Variants in SH3RF3 observed in about 807,000 individuals in gnomAD.
SH3RF3 encodes SH3 domain containing ring finger 3.
A neutral mutation model predicts 66.3 loss-of-function variants in SH3RF3; 29 were observed. The observed-to-expected ratio is 0.44, with a 90% confidence interval of 0.33 to 0.60. The LOEUF (loss-of-function observed/expected upper bound fraction) is 0.60, where lower values mean the gene tolerates loss of function less well. SH3RF3 is among the 20% of genes least tolerant of loss of function. SH3RF3 has a pLI of 0.04. For synonymous variants in SH3RF3, 583 were observed against 532.0 expected (o/e 1.10, Z -1.32); for missense variants, 1,194 against 1,190.9 (o/e 1.00, Z -0.04).
chr2:109,249,069 C>A (rs373118195), intron 1 of SH3RF3, among the ~76,000 whole-genome samples: 1 of 151,980 alleles, frequency 6.6e-6, no homozygotes, highest in East Asian at 1.9e-4. Flanking sequence ...TGTGTAGAGA[C>A]CACAGCTCAC....
At position 109,411,470 on chromosome 2, in the gene SH3RF3, C is replaced by T. The variant is rs569043709; in HGVS notation, c.1300-8069C>T. Among the ~76,000 whole-genome samples the T allele has an allele frequency of 9.5e-4, 145 of 152,302 alleles. 1 individual carries two copies. Among genetic ancestry groups the T allele is most frequent in the African/African-American group, 3.4e-3 (142 of 41,550 alleles). On this transcript the variant is annotated intron_variant, in intron 4 of 9. Transcript: ENST00000309415. ...GCTGCTGAGCCTGTCAGTGGGAGGA[C>T]CCCTGACCCCCTCCCACCTTGGCCA...
At chr2:109,446,400 C>T (rs1407854118) in intron 7 of SH3RF3, among the ~76,000 whole-genome samples, 2 of 152,330 alleles carry the variant, frequency 1.3e-5, no homozygotes, top group Non-Finnish European at 2.9e-5. Flanking sequence ...CTCCGTTGCA[C>T]AGTGGGGACA....
At chr2:109,380,007 A>G (rs1683477698) in intron 3 of SH3RF3, among the ~76,000 whole-genome samples, 1 of 152,176 alleles carries the variant, frequency 6.6e-6, no homozygotes, top group Non-Finnish European at 1.5e-5. Flanking sequence ...GATTAACGAC[A>G]TAAAGAAATA....
chr2:109,491,157 C>G (rs1235366320), intron 9 of SH3RF3, among the ~76,000 whole-genome samples: 1 of 152,158 alleles, frequency 6.6e-6, no homozygotes, highest in African/African-American at 2.4e-5. Context: ...CCATCTGATT[C>G]CTGAGTTTGG....
chr2:109,435,407 T>G (rs1206756512), intron 6 of SH3RF3, among the ~76,000 whole-genome samples: 1 of 152,180 alleles, frequency 6.6e-6, no homozygotes, highest in South Asian at 2.1e-4. Flanking sequence ...GATTGGAGGG[T>G]AGGCGAAGGC....
intron 1 of SH3RF3, among the ~76,000 whole-genome samples, chr2:109,324,806 T>C (rs1559024196): frequency 6.6e-6 from 1 of 152,320 alleles, no homozygotes; most frequent in East Asian, 1.9e-4. Flanking sequence ...TGAATCTGCC[T>C]GTAACTCCAA....
intron 1 of SH3RF3, among the ~76,000 whole-genome samples, chr2:109,316,650 C>T (rs984597986): frequency 6.6e-6 from 1 of 152,224 alleles, no homozygotes. Context: ...GCCTTTCCAT[C>T]AGCATCAGCC....
At chr2:109,478,489 T>G (rs776275973) in intron 8 of SH3RF3, among the ~76,000 whole-genome samples, 2 of 152,276 alleles carry the variant, frequency 1.3e-5, no homozygotes, top group Non-Finnish European at 2.9e-5. Flanking sequence ...TCTAGATGTC[T>G]TCATGCTTTC....
At chr2:109,337,497 G>A (rs532333634) in intron 1 of SH3RF3, among the ~76,000 whole-genome samples, 28 of 152,350 alleles carry the variant, frequency 1.8e-4, no homozygotes, top group Non-Finnish European at 4.0e-4. Flanking sequence ...GCAGGCAAGG[G>A]CGGGAGTCCT....
At chr2:109,153,140 A>C (rs1258414128) in intron 1 of SH3RF3, among the ~76,000 whole-genome samples, 1 of 152,206 alleles carries the variant, frequency 6.6e-6, no homozygotes, top group African/African-American at 2.4e-5. Context: ...CAGTGGGGCA[A>C]ATATTTCAAT....
At chr2:109,401,380 C>T (rs1167179348) in intron 4 of SH3RF3, among the ~76,000 whole-genome samples, 1 of 152,208 alleles carries the variant, frequency 6.6e-6, no homozygotes, top group Non-Finnish European at 1.5e-5. Context: ...TTGGGTAGGT[C>T]GTTTGTCTCC....
At chr2:109,202,764 T>C (rs1227980369) in intron 1 of SH3RF3, among the ~76,000 whole-genome samples, 2 of 152,246 alleles carry the variant, frequency 1.3e-5, no homozygotes, top group Middle Eastern at 3.4e-3. Context: ...CTTCCCATAC[T>C]ATGGAGCTCT....
At chr2:109,136,640 C>G (rs1273407892) in intron 1 of SH3RF3, among the ~76,000 whole-genome samples, 3 of 152,144 alleles carry the variant, frequency 2.0e-5, no homozygotes, top group African/African-American at 7.2e-5. Context: ...GAAGGAGGCC[C>G]AAGAAGAGTC....
At chr2:109,423,593 A>C (rs1190611895) in intron 5 of SH3RF3, among the ~76,000 whole-genome samples, 1 of 151,982 alleles carries the variant, frequency 6.6e-6, no homozygotes, top group Non-Finnish European at 1.5e-5. Flanking sequence ...AGACAATAAG[A>C]CTCGGTAAAA....
At chr2:109,453,871 G>A (rs916743045) in intron 8 of SH3RF3, among the ~76,000 whole-genome samples, 6 of 152,198 alleles carry the variant, frequency 3.9e-5, no homozygotes, top group Admixed American at 1.3e-4. Context: ...AGGATCCTTG[G>A]CTGAGGGTCA....
chr2:109,285,341 G>A (rs1681007744), intron 1 of SH3RF3, among the ~76,000 whole-genome samples: 1 of 152,220 alleles, frequency 6.6e-6, no homozygotes, highest in Non-Finnish European at 1.5e-5. Context: ...GTGGGGTTAA[G>A]CCAGCTTGTG....
At chr2:109,347,016 C>CT (rs1431153115) in intron 1 of SH3RF3, among the ~76,000 whole-genome samples, 3 of 152,136 alleles carry the variant, frequency 2.0e-5, no homozygotes, top group African/African-American at 7.2e-5. Flanking sequence ...TGTCATCATC[C>CT]TCGTGTGTGT....
At chr2:109,257,759 G>A (rs986003134) in intron 1 of SH3RF3, among the ~76,000 whole-genome samples, 1 of 152,166 alleles carries the variant, frequency 6.6e-6, no homozygotes, top group Non-Finnish European at 1.5e-5. Flanking sequence ...GGGGCCCCAA[G>A]TGCAGAAACA....
chr2:109,213,474 G>T (rs1414059535), intron 1 of SH3RF3, among the ~76,000 whole-genome samples: 1 of 152,208 alleles, frequency 6.6e-6, no homozygotes, highest in Non-Finnish European at 1.5e-5. Context: ...CACTGGTGAG[G>T]ACGTGGCCCC....
Sources: gnomAD v4.1 joint callset for allele counts (sites outside exome capture counted in the v4.1 genomes callset) on GRCh38, gnomAD v4.1.1 for gene constraint, MANE v1.5 for transcripts, NCBI Gene and HGNC (gene_info 2026-07-23, HGNC 2026-07-21) for gene names.